Variants in SLC1A1 observed in about 807,000 individuals in gnomAD.
SLC1A1 encodes the protein solute carrier family 1 member 1.
SLC1A1 carries 43 observed loss-of-function variants against 53.3 expected under a neutral mutation model. That is an observed-to-expected ratio of 0.81 (90% CI 0.63 to 1.04). The LOEUF (loss-of-function observed/expected upper bound fraction) is 1.04, where lower values mean the gene tolerates loss of function less well. SLC1A1 is among the 50% of genes least tolerant of loss of function. SLC1A1 has a pLI of 0.00. For synonymous variants in SLC1A1, 307 were observed against 243.2 expected (o/e 1.26, Z -2.44); for missense variants, 748 against 664.9 (o/e 1.12, Z -1.37).
chr9:4,576,582 C>T lies in SLC1A1; in HGVS notation c.1012C>T (p.Pro338Ser). Residue 338 changes from proline to serine, a missense_variant, in exon 10 of 12, where the codon CCT becomes TCT. Coordinates refer to ENST00000262352, the MANE Select transcript of SLC1A1 (RefSeq NM_004170.6). ...LMISSSSATL[P>S]VTFRCAEENN... ...TTTATCACACAGTTCAGCAACACTGCCTGTCACCTTCCGCTGTGCTGAAGA... is the reference window on the plus strand; with the variant it reads ...TTTATCACACAGTTCAGCAACACTGTCTGTCACCTTCCGCTGTGCTGAAGA... 1 of 1,613,868 alleles carries T rather than the reference C, an allele frequency of 6.2e-7. No individual in the cohort carries two copies. Among genetic ancestry groups the T allele is most frequent in the South Asian group, 1.1e-5 (1 of 91,078 alleles).
intron 2 of SLC1A1, among the ~76,000 whole-genome samples, 186 bp downstream of exon 2, chr9:4,544,893 A>C (rs996733781): frequency 3.3e-5 from 5 of 152,208 alleles, no homozygotes; most frequent in East Asian, 3.8e-4. Context: ...AACCTCCTTC[A>C]CAAGGTGGCA....
chr9:4,533,864 A>G, intron 1 of SLC1A1, among the ~76,000 whole-genome samples: 1 of 152,224 alleles, frequency 6.6e-6, no homozygotes, highest in Non-Finnish European at 1.5e-5. Flanking sequence ...ACTGTCTCTC[A>G]GACCACAGTG....
chr9:4,570,323 T>C (rs1819905868), intron 6 of SLC1A1, among the ~76,000 whole-genome samples: 1 of 152,172 alleles, frequency 6.6e-6, no homozygotes, highest in Non-Finnish European at 1.5e-5. Context: ...TCCCTAAATA[T>C]ATGTTTGATC....
chr9:4,571,911 AT>A (rs759003530), intron 6 of SLC1A1, among the ~76,000 whole-genome samples: 4 of 151,958 alleles, frequency 2.6e-5, no homozygotes, highest in Non-Finnish European at 5.9e-5. Context: ...TCAATCTAAA[AT>A]TCATAATAAA....
rs571498530 is a variant in SLC1A1 at position 4,502,255 on chromosome 9, G to C, written c.91+11485G>C. Among the ~76,000 whole-genome samples, 4 of 150,946 alleles carry C rather than the reference G, an allele frequency of 2.6e-5. No individual in the cohort carries two copies. In the South Asian group the frequency reaches 8.3e-4, roughly 31 times the overall value. ...TACAAAAATTAACCAGGTGTGGTGGGTCACGCCTGTAGTCCCAGCTACTCA... is the reference window on the plus strand; with the variant it reads ...TACAAAAATTAACCAGGTGTGGTGGCTCACGCCTGTAGTCCCAGCTACTCA... On this transcript the variant is annotated intron_variant, in intron 1 of 11. Coordinates refer to ENST00000262352, the MANE Select transcript of SLC1A1 (RefSeq NM_004170.6).
At chr9:4,562,987 A>C in intron 3 of SLC1A1, among the ~76,000 whole-genome samples, 1 of 147,930 alleles carries the variant, frequency 6.8e-6, no homozygotes. Context: ...GGGAGGGGAG[A>C]GGGATAGCAT....
chr9:4,544,608 T>C lies in SLC1A1; in HGVS notation c.133T>C (p.Ser45Pro). 6.2e-7 allele frequency: 1 copy of C among 1,613,688 alleles called. No individual in the cohort carries two copies. Among genetic ancestry groups the C allele is most frequent in the Admixed American group, 1.7e-5 (1 of 60,032 alleles). The part of the protein sequence containing the change: ...GVLVREHSNL[S>P]TLEKFYFAFP... ...CTTGGTTCGAGAACACAGCAACCTC[T>C]CAACTCTAGAGAAATTCTACTTTGC... is the stretch of plus-strand genomic sequence containing the variant. The change falls in exon 2 of 12, where the codon TCA (serine) becomes CCA (proline). Residue 45 changes from serine to proline, a missense_variant. Ser to Pro is a moderately conservative substitution (Grantham distance 74). Coordinates refer to ENST00000262352, the MANE Select transcript of SLC1A1 (RefSeq NM_004170.6).
rs374973039 is a variant in SLC1A1 at position 4,502,989 on chromosome 9, T to C, written c.91+12219T>C. ...GAACTGTTGTACTTTCATGCCCTAA[T>C]CCTTTTGCTCAAATGTTTCACTCAC... On this transcript the variant is annotated intron_variant, in intron 1 of 11. Coordinates refer to ENST00000262352, the MANE Select transcript of SLC1A1 (RefSeq NM_004170.6). 2.4e-4 allele frequency among the ~76,000 whole-genome samples: 37 copies of C among 151,920 alleles called. 2 individuals carry two copies. In the East Asian group the frequency reaches 4.8e-3, roughly 20 times the overall value.
intron 1 of SLC1A1, among the ~76,000 whole-genome samples, chr9:4,534,236 A>T (rs1816588129): frequency 6.6e-6 from 1 of 152,168 alleles, no homozygotes; most frequent in Non-Finnish European, 1.5e-5. Context: ...AAATAGAGAC[A>T]CAAAAAAACC....
chr9:4,571,728 C>T (rs7864496), intron 6 of SLC1A1, among the ~76,000 whole-genome samples: 56,370 of 151,884 alleles, frequency 0.37, 11,100 homozygotes, highest in Middle Eastern at 0.51. Flanking sequence ...CATCCAAGAC[C>T]GCAGGCATAA....
rs1269422503 is a variant in SLC1A1, at chr9:4,567,668, G to A, written c.484-1G>A. On this transcript the variant is annotated splice_acceptor_variant, in intron 5 of 11. Transcript: ENST00000262352. LOFTEE classifies it high-confidence loss of function. The stretch of plus-strand genomic sequence containing the variant: ...TGTCCTTGATTTTCTCCAACATGCA[G>A]TACAAAACTAAGCGTGAAGAAGTGA... 1.2e-6 allele frequency: 2 copies of A among 1,603,412 alleles called. No individual in the cohort carries two copies. Among genetic ancestry groups the A allele is most frequent in the Non-Finnish European group, 1.7e-6 (2 of 1,170,826 alleles).
At chr9:4,500,557 C>T (rs761757588) in intron 1 of SLC1A1, among the ~76,000 whole-genome samples, 6 of 152,216 alleles carry the variant, frequency 3.9e-5, no homozygotes, top group South Asian at 4.1e-4. Flanking sequence ...GTAGTCTGCC[C>T]GCCTCGGCCT....
intron 2 of SLC1A1, 100 bp from the exon 3 acceptor site, chr9:4,561,345 AGAAC>A (rs1818919279): frequency 1.3e-6 from 1 of 784,972 alleles, no homozygotes; most frequent in Admixed American, 1.7e-5. Context: ...TCTGTAGATG[AGAAC>A]GCCTCTCAGC....
At chr9:4,543,148 A>C (rs1317665859) in intron 1 of SLC1A1, among the ~76,000 whole-genome samples, 1 of 152,240 alleles carries the variant, frequency 6.6e-6, no homozygotes, top group Non-Finnish European at 1.5e-5. Context: ...TGAAAATTCT[A>C]GTACTGATTA....
chr9:4,564,238 T>G (rs1819264766), intron 3 of SLC1A1, 106 bp from the exon 4 acceptor site: 1 of 800,414 alleles, frequency 1.2e-6, no homozygotes, highest in East Asian at 2.7e-5. Context: ...GTCCTCCCCA[T>G]CACACTATTG....
At chr9:4,547,027 T>C (rs1213890261) in intron 2 of SLC1A1, among the ~76,000 whole-genome samples, 2 of 152,330 alleles carry the variant, frequency 1.3e-5, no homozygotes, top group Non-Finnish European at 2.9e-5. Context: ...TAAAACAGGT[T>C]TTAGAAGAAA....
At chr9:4,494,236 A>G (rs1299564273) in intron 1 of SLC1A1, among the ~76,000 whole-genome samples, 6 of 152,300 alleles carry the variant, frequency 3.9e-5, no homozygotes, top group Non-Finnish European at 5.9e-5. Flanking sequence ...AAGCTCTATC[A>G]TGCAGGCAAA....
intron 1 of SLC1A1, among the ~76,000 whole-genome samples, chr9:4,510,490 T>G (rs1820964474): frequency 6.6e-6 from 1 of 152,164 alleles, no homozygotes; most frequent in South Asian, 2.1e-4. Context: ...CATATAAAAT[T>G]TATGGCTCAG....
chr9:4,558,411 G>A (rs1008480191), intron 2 of SLC1A1, among the ~76,000 whole-genome samples: 15 of 152,082 alleles, frequency 9.9e-5, no homozygotes, highest in African/African-American at 3.6e-4. Context: ...TGATATATCC[G>A]GGAAATTGGT....
Sources: gnomAD v4.1 joint callset for allele counts (sites outside exome capture counted in the v4.1 genomes callset) on GRCh38, gnomAD v4.1.1 for gene constraint, MANE v1.5 for transcripts, NCBI Gene and HGNC (gene_info 2026-07-23, HGNC 2026-07-21) for gene names.